TPRG1: variants seen among roughly 807,000 people sequenced by gnomAD.
TPRG1 encodes the protein tumor protein p63 regulated 1, also known as tumor protein p63-regulated gene 1 protein.
Under a neutral mutation model 29.3 loss-of-function variants are expected in TPRG1, and 29 were observed. That is an observed-to-expected ratio of 0.99 (90% CI 0.74 to 1.35). TPRG1 has a LOEUF of 1.35. Ranked by LOEUF, TPRG1 falls within the 40% of genes most tolerant of loss-of-function variation. The probability of loss-of-function intolerance (pLI) is 0.00; values close to 1 mark genes in which losing one functional copy is unlikely to be tolerated. For missense variants in TPRG1, 327 were observed against 335.0 expected (o/e 0.98, Z 0.19); for synonymous variants, 130 against 116.8 (o/e 1.11, Z -0.73).
At chr3:189,317,838 A>G (rs9848324) in intron 5 of TPRG1, among the ~76,000 whole-genome samples, 104,730 of 152,060 alleles carry the variant, frequency 0.69, 37,809 homozygotes, top group African/African-American at 0.92. Flanking sequence ...GTGCACTTGT[A>G]TGTGTGTGCA....
intron 3 of TPRG1, among the ~76,000 whole-genome samples, chr3:189,145,395 T>C (rs1578524887): frequency 8.6e-6 from 1 of 116,534 alleles, no homozygotes; most frequent in Non-Finnish European, 1.9e-5. Context: ...AAAACAAAAA[T>C]CAAATACCAT....
intron 4 of TPRG1, among the ~76,000 whole-genome samples, chr3:189,035,383 T>C (rs1714196385): frequency 1.3e-5 from 2 of 152,100 alleles, no homozygotes; most frequent in African/African-American, 2.4e-5. Flanking sequence ...TGGAAAATAA[T>C]TTATGACTAA....
At chr3:189,071,659 A>G (rs1578286363) in intron 4 of TPRG1, among the ~76,000 whole-genome samples, 1 of 152,362 alleles carries the variant, frequency 6.6e-6, no homozygotes, top group East Asian at 1.9e-4. Flanking sequence ...ATTATGAGTC[A>G]TCCTCTGCCT....
intron 4 of TPRG1, among the ~76,000 whole-genome samples, chr3:189,275,931 A>T (rs1716062534): frequency 6.6e-6 from 1 of 152,190 alleles, no homozygotes; most frequent in Admixed American, 6.5e-5. Flanking sequence ...AGAGGCAAAT[A>T]CAATAATTTT....
chr3:189,243,248 G>A (rs889471621), intron 4 of TPRG1, among the ~76,000 whole-genome samples: 1 of 152,134 alleles, frequency 6.6e-6, no homozygotes, highest in South Asian at 2.1e-4. Context: ...AGAGAGAGGG[G>A]TAGGTGCTAC....
chr3:189,073,028 C>G (rs903378570), intron 4 of TPRG1, among the ~76,000 whole-genome samples: 2 of 152,040 alleles, frequency 1.3e-5, no homozygotes, highest in Admixed American at 6.6e-5. Context: ...TTTCCCTGCC[C>G]CAGTTATTGA....
chr3:189,116,226 G>C (rs932045941), intron 1 of TPRG1, among the ~76,000 whole-genome samples: 3 of 152,124 alleles, frequency 2.0e-5, no homozygotes, highest in Non-Finnish European at 4.4e-5. Flanking sequence ...CACCCAGGCT[G>C]GTGTGCAGTG....
intron 4 of TPRG1, 39 bp from the exon 5 acceptor site, chr3:189,310,347 T>C: frequency 2.1e-6 from 3 of 1,460,536 alleles, no homozygotes; most frequent in Non-Finnish European, 2.7e-6. Context: ...TTTTTGGAAA[T>C]GGAAATGACT....
chr3:189,314,820 A>C (rs1192622693), intron 5 of TPRG1, among the ~76,000 whole-genome samples: 2 of 152,208 alleles, frequency 1.3e-5, no homozygotes, highest in Non-Finnish European at 2.9e-5. Flanking sequence ...TTTGTTTTAA[A>C]AATGAGAACA....
At chr3:189,264,717 G>A (rs899939236) in intron 4 of TPRG1, among the ~76,000 whole-genome samples, 6 of 152,076 alleles carry the variant, frequency 3.9e-5, no homozygotes, top group Non-Finnish European at 5.9e-5. Context: ...TTAGATAGGA[G>A]GTAAGGTGAG....
At chr3:189,030,198 C>T (rs1346223273) in intron 4 of TPRG1, among the ~76,000 whole-genome samples, 2 of 152,048 alleles carry the variant, frequency 1.3e-5, no homozygotes, top group Non-Finnish European at 2.9e-5. Context: ...ATGTGGGCGA[C>T]TTTATTTCAT....
At chr3:189,070,121 C>A (rs1026285390) in intron 4 of TPRG1, among the ~76,000 whole-genome samples, 1 of 152,108 alleles carries the variant, frequency 6.6e-6, no homozygotes, top group African/African-American at 2.4e-5. Context: ...ATACACACTG[C>A]TTGGAAGAAT....
chr3:189,234,527 C>G (rs80233808), intron 3 of TPRG1, among the ~76,000 whole-genome samples: 2 of 152,120 alleles, frequency 1.3e-5, no homozygotes, highest in African/African-American at 4.8e-5. Context: ...ATGAACATTT[C>G]CGCAATGTTA....
At chr3:189,276,653 T>A (rs570215745) in intron 4 of TPRG1, among the ~76,000 whole-genome samples, 4 of 152,180 alleles carry the variant, frequency 2.6e-5, no homozygotes, top group African/African-American at 9.7e-5. Flanking sequence ...TAATAGATCA[T>A]GTGTATTAAT....
intron 1 of TPRG1, among the ~76,000 whole-genome samples, chr3:189,192,298 G>A (rs1384986548): frequency 6.6e-6 from 1 of 152,112 alleles, no homozygotes; most frequent in Non-Finnish European, 1.5e-5. Context: ...TGCATTTTCT[G>A]TCGTGGAAGC....
At chr3:189,222,555 C>A (rs562274881) in intron 3 of TPRG1, among the ~76,000 whole-genome samples, 1 of 152,164 alleles carries the variant, frequency 6.6e-6, no homozygotes, top group South Asian at 2.1e-4. Flanking sequence ...GCAATGCTAA[C>A]CCCTAGTTCT....
chr3:189,075,144 A>G (rs888658187), intron 4 of TPRG1, among the ~76,000 whole-genome samples: 1 of 136,256 alleles, frequency 7.3e-6, no homozygotes, highest in Admixed American at 7.4e-5. Context: ...TATTTTTTTT[A>G]TTTTTTGAGA....
At chr3:189,014,696 TC>T (rs1371396256) in intron 3 of TPRG1, among the ~76,000 whole-genome samples, 5 of 152,082 alleles carry the variant, frequency 3.3e-5, no homozygotes, top group Admixed American at 3.3e-4. Context: ...GTGTGGCACT[TC>T]CCCCTTTGCT....
chr3:189,108,063 A>T (rs777143822), intron 1 of TPRG1, among the ~76,000 whole-genome samples: 1 of 152,166 alleles, frequency 6.6e-6, no homozygotes, highest in Non-Finnish European at 1.5e-5. Flanking sequence ...GGAGGTCGCC[A>T]CTTCACTTTA....
Sources: allele counts gnomAD v4.1 joint callset (sites outside exome capture counted in the v4.1 genomes callset), GRCh38; gene constraint gnomAD v4.1.1; transcripts MANE v1.5; gene names NCBI Gene and HGNC (gene_info 2026-07-23, HGNC 2026-07-21).